The following SSX2IP variants were observed in gnomAD, a reference collection of about 807,000 sequenced individuals.
SSX2IP encodes afadin- and alpha-actinin-binding protein.
Under a neutral mutation model 84.9 loss-of-function variants are expected in SSX2IP, and 55 were observed. The ratio of observed to expected loss-of-function variants is 0.65; its 90% CI spans 0.52 to 0.81. The LOEUF (loss-of-function observed/expected upper bound fraction) is 0.81, where lower values mean the gene tolerates loss of function less well. Among genes scored for constraint, SSX2IP ranks in the 30% least tolerant of loss-of-function variants. SSX2IP has a pLI of 0.00. For synonymous variants in SSX2IP, 239 were observed against 234.7 expected, an observed-to-expected ratio of 1.02 and a Z score of -0.17; for missense variants, 664 against 705.2, an observed-to-expected ratio of 0.94 and a Z score of 0.66.
chr1:84,650,744 A>G (rs1011718810), intron 12 of SSX2IP, among the ~76,000 whole-genome samples: 4 of 151,168 alleles, frequency 2.6e-5, no homozygotes, highest in Admixed American at 2.0e-4. Context: ...TTGCTCTGTC[A>G]CCCAGGCTGG....
chr1:84,669,558 T>C, intron 4 of SSX2IP, 123 bp downstream of exon 4: 1 of 745,726 alleles, frequency 1.3e-6, no homozygotes, highest in Non-Finnish European at 2.2e-6. Flanking sequence ...CACTTTTACT[T>C]ACCTGTTTAA....
chr1:84,659,068 C>T (rs919640593), intron 8 of SSX2IP, among the ~76,000 whole-genome samples: 3 of 152,000 alleles, frequency 2.0e-5, no homozygotes, highest in Non-Finnish European at 4.4e-5. Context: ...GGATAAAGAA[C>T]ATGGGGAAAC....
Position 84,664,488 on chromosome 1 carries a change from T to C in SSX2IP, c.602A>G (p.Lys201Arg). The change falls in exon 6 of 14, where the codon AAA becomes AGA. Residue 201 changes from lysine to arginine, a missense_variant. Lys to Arg is a conservative substitution (Grantham distance 26). Transcript: ENST00000342203. ...CTTCAGTTTATTATATTCACGCTCT[T>C]TTCTCTTCATATCATGATTATACTG... ...ATQYNHDMKRKEREYNKLKER... is the reference protein window; with the variant it reads ...ATQYNHDMKRREREYNKLKER... 1 of 1,605,646 alleles carries C rather than the reference T, an allele frequency of 6.2e-7. No individual in the cohort carries two copies. Among genetic ancestry groups the C allele is most frequent in the East Asian group, 2.3e-5 (1 of 44,244 alleles).
intron 13 of SSX2IP, chr1:84,650,049 G>C (rs1557461902): frequency 1.7e-5 from 11 of 638,610 alleles, no homozygotes; most frequent in Non-Finnish European, 8.5e-6. Context: ...CAATTAAAGT[G>C]CTTAAAATAT....
intron 6 of SSX2IP, among the ~76,000 whole-genome samples, chr1:84,663,832 G>A (rs576683320): frequency 1.2e-4 from 18 of 152,082 alleles, no homozygotes; most frequent in Admixed American, 4.6e-4. Flanking sequence ...CTACTTTCGT[G>A]TTTCTTTGCT....
chr1:84,672,701 C>T (rs375622213), intron 1 of SSX2IP, among the ~76,000 whole-genome samples: 12 of 152,148 alleles, frequency 7.9e-5, no homozygotes, highest in African/African-American at 2.9e-4. Context: ...ATATTTAAGA[C>T]TGTGGTAAAA....
chr1:84,666,219 G>C lies in SSX2IP; in HGVS notation c.440C>G (p.Thr147Ser). 6.2e-7 allele frequency: 1 copy of C among 1,609,286 alleles called. No homozygotes were observed. The highest frequency in any genetic ancestry group is 1.1e-5 in the South Asian group (1 of 89,520). The change falls in exon 5 of 14, where the codon ACC becomes AGC. Residue 147 changes from threonine (T) to serine (S), a missense_variant. Transcript: ENST00000342203. ...CYSKLKEQLE[T>S]SRREMIGLQE... ...AAGCCCAATCATTTCCCTCCTGGAG[G>C]TTTCCAGTTGTTCCTAAAACATTTA...
intron 13 of SSX2IP, chr1:84,649,822 C>T: frequency 2.5e-6 from 1 of 407,948 alleles, no homozygotes; most frequent in Non-Finnish European, 4.8e-6. Context: ...CAGGAAAACA[C>T]CAAAATGTAG....
At chr1:84,655,796 C>A (rs1438863311) in intron 11 of SSX2IP, 36 bp downstream of exon 11, 2 of 1,599,572 alleles carry the variant, frequency 1.3e-6, no homozygotes, top group South Asian at 2.2e-5. Context: ...CACCCACCCC[C>A]AGTATTTTCA....
rs970318337 is a variant in SSX2IP at position 84,670,060 on chromosome 1, T to C, written c.214-167A>G. 1.6e-5 allele frequency: 9 copies of C among 551,872 alleles called. No individual in the cohort carries two copies. The African/African-American group carries it at 1.7e-4, about 10-fold the overall frequency. The allele number at this position is 551,872 out of a possible 1,614,324, so 34.2% of individuals were successfully genotyped here. On this transcript the variant is annotated intron_variant, in intron 3 of 13. Transcript: ENST00000342203. ...TATATTCCTGAAATTGCTGAGCAAG[T>C]AAATTCTCACCACAAAAAATGATAT...
At chr1:84,665,746 T>C (rs1046580758) in intron 5 of SSX2IP, among the ~76,000 whole-genome samples, 2 of 152,128 alleles carry the variant, frequency 1.3e-5, no homozygotes, top group African/African-American at 2.4e-5. Flanking sequence ...TTTAAGACAG[T>C]GCATGCAAGA....
chr1:84,658,122 C>T, intron 9 of SSX2IP, 196 bp downstream of exon 9: 1 of 575,474 alleles, frequency 1.7e-6, no homozygotes. Context: ...GGTGACCGAG[C>T]AAGGTTCTGT....
chr1:84,674,901 T>C (rs1654106139), intron 1 of SSX2IP, among the ~76,000 whole-genome samples: 1 of 152,166 alleles, frequency 6.6e-6, no homozygotes, highest in South Asian at 2.1e-4. Flanking sequence ...GACCAGTTTT[T>C]CCAAGAAAGG....
At chr1:84,670,528 G>C in intron 3 of SSX2IP, 118 bp downstream of exon 3, 1 of 639,392 alleles carries the variant, frequency 1.6e-6, no homozygotes, top group Non-Finnish European at 2.5e-6. Flanking sequence ...GAAAATCTAA[G>C]TCTCAGGGGC....
intron 11 of SSX2IP, chr1:84,655,313 T>C: frequency 9.3e-7 from 1 of 1,076,166 alleles, no homozygotes; most frequent in Non-Finnish European, 1.1e-6. Flanking sequence ...TGTTGATTTT[T>C]TTTTTTTAAC....
intron 1 of SSX2IP, among the ~76,000 whole-genome samples, chr1:84,681,548 G>A (rs1314996106): frequency 1.3e-5 from 2 of 152,178 alleles, no homozygotes; most frequent in Non-Finnish European, 2.9e-5. Flanking sequence ...ACAGGGAGGG[G>A]TAGAAGAGCA....
At chr1:84,684,624 G>C (rs999404074) in intron 1 of SSX2IP, among the ~76,000 whole-genome samples, 2 of 152,000 alleles carry the variant, frequency 1.3e-5, no homozygotes, top group Non-Finnish European at 2.9e-5. Flanking sequence ...AAACCCAATC[G>C]AAACTCTTGC....
rs774865276 is a variant in SSX2IP at position 84,644,279 on chromosome 1, C to A, written c.*3154G>T. On this transcript the variant is annotated 3_prime_UTR_variant, in exon 14 of 14. Coordinates refer to ENST00000342203, the MANE Select transcript of SSX2IP (RefSeq NM_001166293.2). Reference sequence around the variant, plus strand: ...CATCAGTCCATGTTTTATGAACAGACTGAATGTGTCCGTAGCATCCACCAT... The same window carrying A: ...CATCAGTCCATGTTTTATGAACAGAATGAATGTGTCCGTAGCATCCACCAT... 6.6e-6 allele frequency: 1 copy of A among 152,208 alleles called. No individual in the cohort carries two copies. The highest frequency in any genetic ancestry group is 2.4e-5 in the African/African-American group (1 of 41,448). The allele number at this position is 152,208 out of a possible 1,614,324, so 9.4% of individuals were successfully genotyped here.
rs1653444818 is a variant in SSX2IP at position 84,670,687 on chromosome 1, T to C, written c.172A>G (p.Thr58Ala). The C allele has an allele frequency of 6.2e-7, 1 of 1,612,822 alleles. No homozygotes were observed. The highest frequency in any genetic ancestry group is 1.3e-5 in the African/African-American group (1 of 74,890). ...ATACTCTGTTCAATATTATCTTCTG[T>C]GCAGAAGGCACTGAAAAAACTGTGC... ...NVHSFFSAFC[T>A]EDNIEQSISY... Residue 58 changes from threonine (T) to alanine (A), a missense_variant, in exon 3 of 14, where the codon ACA (threonine) becomes GCA (alanine). Physicochemically the swap from Thr to Ala is moderately conservative, Grantham distance 58. Transcript: ENST00000342203.
Sources: allele counts gnomAD v4.1 joint callset (sites outside exome capture counted in the v4.1 genomes callset), GRCh38; gene constraint gnomAD v4.1.1; transcripts MANE v1.5; gene names NCBI Gene and HGNC (gene_info 2026-07-23, HGNC 2026-07-21).